The following PLXDC2 variants were observed in gnomAD, a reference collection of about 807,000 sequenced individuals.
PLXDC2 encodes plexin domain containing 2, also known as plexin domain-containing protein 2.
In PLXDC2, 40 loss-of-function variants were observed where a neutral mutation model predicts 68.9. That is an observed-to-expected ratio of 0.58 (90% CI 0.45 to 0.76). PLXDC2 has a LOEUF of 0.76. PLXDC2 is among the 30% of genes least tolerant of loss of function. PLXDC2 has a pLI of 0.00. For missense variants in PLXDC2, 644 were observed against 661.9 expected (o/e 0.97, Z 0.30); for synonymous variants, 243 against 234.2 (o/e 1.04, Z -0.34).
At chr10:20,055,341 T>C (rs927895116) in intron 3 of PLXDC2, among the ~76,000 whole-genome samples, 1 of 152,184 alleles carries the variant, frequency 6.6e-6, no homozygotes, top group African/African-American at 2.4e-5. Flanking sequence ...ATAATGTTTA[T>C]GTTGGGATAA....
chr10:20,051,701 A>G (rs1835904858), intron 3 of PLXDC2, among the ~76,000 whole-genome samples: 1 of 151,962 alleles, frequency 6.6e-6, no homozygotes, highest in Admixed American at 6.6e-5. Context: ...TAGTATAAAA[A>G]ACAAATCTCT....
Position 20,253,907 on chromosome 10 carries a change from A to G in PLXDC2, c.1473+8402A>G, listed in dbSNP as rs1835710219. ...TGGTTGTAGATGTTATAAAATCCAG[A>G]TAAGTTTAAACCAGCAGAGATAAGA... On this transcript the variant is annotated intron_variant, in intron 13 of 13. Transcript: ENST00000377252. 2.6e-5 allele frequency among the ~76,000 whole-genome samples: 4 copies of G among 152,314 alleles called. No individual in the cohort carries two copies. The South Asian group carries it at 8.3e-4, about 32-fold the overall frequency.
At chr10:19,905,662 A>G (rs1179582108) in intron 1 of PLXDC2, among the ~76,000 whole-genome samples, 1 of 152,128 alleles carries the variant, frequency 6.6e-6, no homozygotes, top group East Asian at 1.9e-4. Context: ...TCTCAATTGC[A>G]CTCCCAATTA....
rs148999339 is a variant in PLXDC2 at position 19,934,589 on chromosome 10, T to A, written c.113-67186T>A. On this transcript the variant is annotated intron_variant, in intron 1 of 13. Coordinates refer to ENST00000377252, the MANE Select transcript of PLXDC2 (RefSeq NM_032812.9). The stretch of plus-strand genomic sequence containing the variant: ...AGTCTTGGCCCGACTCCATTCAATC[T>A]CCTAATCAAATTCGCCTATAATTTG... Among the ~76,000 whole-genome samples, 543 of 152,328 alleles carry A rather than the reference T, an allele frequency of 3.6e-3. 2 individuals are homozygous for A. The highest frequency in any genetic ancestry group is 0.012 in the African/African-American group (513 of 41,566).
At chr10:20,154,376 C>CT (rs1325587359) in intron 6 of PLXDC2, among the ~76,000 whole-genome samples, 1 of 151,968 alleles carries the variant, frequency 6.6e-6, no homozygotes, top group Admixed American at 6.6e-5. Flanking sequence ...ACCAGCCTGG[C>CT]AACATGGTGT....
intron 1 of PLXDC2, among the ~76,000 whole-genome samples, chr10:19,974,982 A>G (rs941707508): frequency 6.6e-6 from 1 of 152,258 alleles, no homozygotes; most frequent in East Asian, 1.9e-4. Flanking sequence ...CATAAAAATC[A>G]TATGAACACA....
chr10:20,256,459 C>CCA (rs150072870), intron 13 of PLXDC2, among the ~76,000 whole-genome samples: 70,077 of 151,862 alleles, frequency 0.46, 17,707 homozygotes, highest in Middle Eastern at 0.63. Flanking sequence ...AACACTGAGA[C>CCA]TGCACCAAAT....
rs909034036 is a variant in PLXDC2 at position 20,164,457 on chromosome 10, T to C, written c.784-11T>C. On this transcript the variant is annotated splice_polypyrimidine_tract_variant and intron_variant, in intron 6 of 13. Coordinates refer to ENST00000377252, the MANE Select transcript of PLXDC2 (RefSeq NM_032812.9). ...ATCTAACATATAGTTACCTGCTTTG[T>C]TTTTTTCCAGATTCCTGTCTTGGTC... 2 of 1,602,236 alleles carry C rather than the reference T, an allele frequency of 1.2e-6. No homozygotes were observed. Among genetic ancestry groups the C allele is most frequent in the Middle Eastern group, 1.7e-4 (1 of 6,032 alleles).
intron 1 of PLXDC2, among the ~76,000 whole-genome samples, chr10:19,910,437 C>T (rs972693595): frequency 3.3e-5 from 5 of 151,780 alleles, no homozygotes; most frequent in South Asian, 2.1e-4. Context: ...ACTATCCGGG[C>T]GGGGAAAATG....
At chr10:20,208,775 T>C (rs1028915997) in intron 9 of PLXDC2, among the ~76,000 whole-genome samples, 2 of 152,098 alleles carry the variant, frequency 1.3e-5, no homozygotes, top group African/African-American at 4.8e-5. Flanking sequence ...GTAGGTACTT[T>C]TATATTTTCC....
At chr10:20,263,638 A>C (rs1835836418) in intron 13 of PLXDC2, among the ~76,000 whole-genome samples, 1 of 151,952 alleles carries the variant, frequency 6.6e-6, no homozygotes, top group Non-Finnish European at 1.5e-5. Flanking sequence ...AAAACAAACA[A>C]CCTCATTAAA....
chr10:19,989,420 A>C (rs1834707524), intron 1 of PLXDC2, among the ~76,000 whole-genome samples: 1 of 152,200 alleles, frequency 6.6e-6, no homozygotes, highest in African/African-American at 2.4e-5. Context: ...GTAATAGTTT[A>C]TGGTAGACAC....
chr10:20,054,262 G>A (rs937553538), intron 3 of PLXDC2, among the ~76,000 whole-genome samples: 19 of 151,904 alleles, frequency 1.3e-4, no homozygotes, highest in East Asian at 7.7e-4. Context: ...GGTTTGATCC[G>A]TATTGAGGAT....
intron 2 of PLXDC2, among the ~76,000 whole-genome samples, chr10:20,002,957 G>C (rs887048819): frequency 2.0e-5 from 3 of 152,106 alleles, no homozygotes; most frequent in Non-Finnish European, 4.4e-5. Flanking sequence ...TGGACAAACT[G>C]GGATGATTGG....
chr10:19,907,996 G>A (rs571238437), intron 1 of PLXDC2, among the ~76,000 whole-genome samples: 3 of 152,154 alleles, frequency 2.0e-5, no homozygotes, highest in East Asian at 1.9e-4. Context: ...AGATTTAATC[G>A]CTGTGTTACA....
intron 2 of PLXDC2, among the ~76,000 whole-genome samples, chr10:20,005,936 T>C (rs1328748539): frequency 2.0e-5 from 3 of 152,126 alleles, no homozygotes; most frequent in Non-Finnish European, 4.4e-5. Flanking sequence ...ACACCTGTAA[T>C]CCCAGCACTT....
At chr10:20,118,207 G>A (rs1249415693) in intron 4 of PLXDC2, among the ~76,000 whole-genome samples, 2 of 151,536 alleles carry the variant, frequency 1.3e-5, no homozygotes, top group Admixed American at 6.6e-5. Flanking sequence ...TCTCAAATAG[G>A]GTGAGTTTTT....
chr10:19,886,410 C>G (rs1837846727), intron 1 of PLXDC2, among the ~76,000 whole-genome samples: 1 of 152,106 alleles, frequency 6.6e-6, no homozygotes, highest in African/African-American at 2.4e-5. Flanking sequence ...AGCAGCACAT[C>G]AAAAAGCTTA....
intron 13 of PLXDC2, among the ~76,000 whole-genome samples, chr10:20,268,076 G>T (rs1417181923): frequency 6.6e-6 from 1 of 152,092 alleles, no homozygotes; most frequent in Non-Finnish European, 1.5e-5. Flanking sequence ...TTATAACATT[G>T]TATGACAATA....
Sources: gnomAD v4.1 joint callset for allele counts (sites outside exome capture counted in the v4.1 genomes callset) on GRCh38, gnomAD v4.1.1 for gene constraint, MANE v1.5 for transcripts, NCBI Gene and HGNC (gene_info 2026-07-23, HGNC 2026-07-21) for gene names.